The following DCC variants were observed in gnomAD, a reference collection of about 807,000 sequenced individuals.
The protein encoded by DCC is DCC netrin 1 receptor.
DCC carries 58 observed loss-of-function variants against 172.5 expected under a neutral mutation model. The ratio of observed to expected loss-of-function variants is 0.34; its 90% confidence interval spans 0.27 to 0.42. The LOEUF (loss-of-function observed/expected upper bound fraction) is 0.42. Ranked by LOEUF, DCC falls within the 10% of genes least tolerant of loss-of-function variation. The probability of loss-of-function intolerance (pLI) is 1.00; values close to 1 mark genes in which losing one functional copy is unlikely to be tolerated. For missense variants in DCC, 1,740 were observed against 1,791.0 expected, an observed-to-expected ratio of 0.97 and a Z score of 0.51; for synonymous variants, 709 against 644.5, an observed-to-expected ratio of 1.10 and a Z score of -1.52.
chr18:53,493,916 G>A (rs775826207), intron 26 of DCC, among the ~76,000 whole-genome samples: 4 of 152,166 alleles, frequency 2.6e-5, no homozygotes, highest in Admixed American at 2.0e-4. Flanking sequence ...TAATTGTGAT[G>A]TTATGGTGTT....
At chr18:53,254,397 C>G (rs2056478619) in intron 12 of DCC, among the ~76,000 whole-genome samples, 2 of 151,990 alleles carry the variant, frequency 1.3e-5, no homozygotes, top group African/African-American at 4.8e-5. Context: ...ACTTCTTTAG[C>G]TAGTTTTCTT....
intron 7 of DCC, among the ~76,000 whole-genome samples, chr18:53,138,710 A>G (rs1042337413): frequency 2.6e-5 from 4 of 152,160 alleles, no homozygotes; most frequent in African/African-American, 9.6e-5. Context: ...TTGTCGTTGA[A>G]TTGGTGAATA....
intron 7 of DCC, among the ~76,000 whole-genome samples, chr18:53,078,036 G>A (rs181578235): frequency 1.6e-4 from 24 of 152,204 alleles, no homozygotes; most frequent in Middle Eastern, 3.4e-3. Flanking sequence ...GAGTAAATTC[G>A]ATATAACTAA....
intron 1 of DCC, among the ~76,000 whole-genome samples, chr18:52,464,072 A>G (rs780520176): frequency 3.3e-5 from 5 of 152,078 alleles, no homozygotes; most frequent in Non-Finnish European, 7.4e-5. Context: ...ATTTTTATGT[A>G]TATGTGTTTG....
At chr18:53,258,003 G>T (rs941048998) in intron 12 of DCC, among the ~76,000 whole-genome samples, 4 of 152,120 alleles carry the variant, frequency 2.6e-5, no homozygotes, top group Admixed American at 2.6e-4. Flanking sequence ...TTGTGTAGAG[G>T]TCTTTATAGT....
At chr18:52,386,352 C>T (rs1221151414) in intron 1 of DCC, among the ~76,000 whole-genome samples, 2 of 151,926 alleles carry the variant, frequency 1.3e-5, no homozygotes, top group Non-Finnish European at 2.9e-5. Context: ...ATTTTTTGCC[C>T]TCAAACATGA....
At chr18:53,435,037 G>C (rs993225943) in intron 21 of DCC, 107 bp from the exon 22 acceptor site, 2 of 862,016 alleles carry the variant, frequency 2.3e-6, no homozygotes, top group African/African-American at 1.7e-5. Context: ...TCTTGGGGGT[G>C]ATCAAAGTAA....
chr18:53,273,540 T>G (rs2056772164), intron 12 of DCC, among the ~76,000 whole-genome samples: 6 of 152,086 alleles, frequency 3.9e-5, no homozygotes. Context: ...GTCAAGAAAA[T>G]TATTTGATAC....
intron 7 of DCC, among the ~76,000 whole-genome samples, chr18:53,099,180 A>G (rs2043127911): frequency 1.3e-5 from 2 of 152,138 alleles, no homozygotes; most frequent in Admixed American, 6.5e-5. Context: ...TTCAACTCCT[A>G]TAGTTCCTTC....
chr18:52,909,785 A>G (rs1029466481), intron 3 of DCC, among the ~76,000 whole-genome samples: 2 of 152,174 alleles, frequency 1.3e-5, no homozygotes, highest in Non-Finnish European at 2.9e-5. Context: ...GAAATGTTGG[A>G]ATACCATGCC....
chr18:52,454,490 G>GTT (rs148763685), intron 1 of DCC, among the ~76,000 whole-genome samples: 5 of 148,040 alleles, frequency 3.4e-5, no homozygotes, highest in African/African-American at 1.2e-4. Flanking sequence ...CTTTGAACTA[G>GTT]TTTTTTTTTT....
At chr18:52,428,364 T>A (rs1219287780) in intron 1 of DCC, among the ~76,000 whole-genome samples, 3 of 152,106 alleles carry the variant, frequency 2.0e-5, no homozygotes, top group African/African-American at 7.2e-5. Context: ...TAGAAAGAAA[T>A]GTCTGCCCTT....
chr18:52,665,134 C>T (rs565134411), intron 1 of DCC, among the ~76,000 whole-genome samples: 4 of 152,170 alleles, frequency 2.6e-5, no homozygotes, highest in Non-Finnish European at 2.9e-5. Flanking sequence ...ACCTTCTTAT[C>T]CCTTTTCCAA....
chr18:52,542,801 T>C (rs1161501887), intron 1 of DCC, among the ~76,000 whole-genome samples: 1 of 152,068 alleles, frequency 6.6e-6, no homozygotes, highest in Non-Finnish European at 1.5e-5. Flanking sequence ...ATAGTGCCAT[T>C]GCACTCCAGC....
At chr18:52,488,491 A>G (rs914942511) in intron 1 of DCC, among the ~76,000 whole-genome samples, 3 of 152,114 alleles carry the variant, frequency 2.0e-5, no homozygotes, top group African/African-American at 7.2e-5. Context: ...GAGCACTTGC[A>G]TTAGTGTAGG....
chr18:52,637,535 G>A (rs2034806010), intron 1 of DCC, among the ~76,000 whole-genome samples: 1 of 152,158 alleles, frequency 6.6e-6, no homozygotes, highest in East Asian at 1.9e-4. Context: ...GAAAGTCTCA[G>A]CAATAGAATT....
chr18:52,472,026 C>T (rs1006328363), intron 1 of DCC, among the ~76,000 whole-genome samples: 1 of 152,214 alleles, frequency 6.6e-6, no homozygotes, highest in African/African-American at 2.4e-5. Flanking sequence ...GAAGTTGCAC[C>T]GAGTGGGGTT....
chr18:52,463,959 T>C (rs1988706848), intron 1 of DCC, among the ~76,000 whole-genome samples: 1 of 152,226 alleles, frequency 6.6e-6, no homozygotes, highest in South Asian at 2.1e-4. Flanking sequence ...GTAGTCTTTA[T>C]AGCGTCCCTT....
chr18:53,418,774 C>A lies in DCC; in HGVS notation c.3163+2618C>A, dbSNP rs144366649. 3.2e-3 allele frequency among the ~76,000 whole-genome samples: 485 copies of A among 152,212 alleles called. 4 individuals are homozygous for A. Among genetic ancestry groups the A allele is most frequent in the African/African-American group, 0.011 (446 of 41,538 alleles). ...AGAACATAAATGTGAAAACAATAGTCATTTGAAATGGTTTTGATTTGGAGA... is the reference window on the plus strand; with the variant it reads ...AGAACATAAATGTGAAAACAATAGTAATTTGAAATGGTTTTGATTTGGAGA... On this transcript the variant is annotated intron_variant, in intron 21 of 28. Transcript: ENST00000442544.
Sources: allele counts gnomAD v4.1 joint callset (sites outside exome capture counted in the v4.1 genomes callset), GRCh38; gene constraint gnomAD v4.1.1; transcripts MANE v1.5; gene names NCBI Gene and HGNC (gene_info 2026-07-23, HGNC 2026-07-21).